Variants in MTRR observed in about 807,000 individuals in gnomAD.
The protein encoded by MTRR is methionine synthase reductase.
MTRR carries 63 observed loss-of-function variants against 79.2 expected under a neutral mutation model. The ratio of observed to expected loss-of-function variants is 0.80; its 90% CI spans 0.65 to 0.98. MTRR has a LOEUF of 0.98. Among genes scored for constraint, MTRR ranks in the 50% least tolerant of loss-of-function variants. The pLI, the probability that MTRR is intolerant of heterozygous loss-of-function variation, is 0.00. For synonymous variants in MTRR, 355 were observed against 313.3 expected (o/e 1.13, Z -1.41); for missense variants, 895 against 839.6 (o/e 1.07, Z -0.82).
chr5:7,885,121 T>G (rs1354762789), intron 6 of MTRR: 1 of 159,376 alleles, frequency 6.3e-6, no homozygotes, highest in Non-Finnish European at 1.4e-5. Context: ...GCAATGGGCC[T>G]AGTAATAGAC....
intron 1 of MTRR, 89 bp downstream of exon 1, chr5:7,869,304 C>A (rs1747433131): frequency 6.6e-7 from 1 of 1,519,716 alleles, no homozygotes; most frequent in East Asian, 2.3e-5. Context: ...CGGGGGTGGG[C>A]AGCCGGCTTG....
At chr5:7,868,652 A>C (rs906764731), upstream of MTRR, among the ~76,000 whole-genome samples, 1 of 152,202 alleles carries the variant, frequency 6.6e-6, no homozygotes, top group Non-Finnish European at 1.5e-5. Flanking sequence ...GTGTTGAAGG[A>C]AAGGGTCTAC....
chr5:7,877,749 C>T (rs919718871), intron 4 of MTRR, among the ~76,000 whole-genome samples, 195 bp from the exon 5 acceptor site: 5 of 152,020 alleles, frequency 3.3e-5, no homozygotes, highest in Non-Finnish European at 5.9e-5. Context: ...TTTTCAGCTA[C>T]GGTGCTAATG....
chr5:7,891,289 A>ATTTTTTTT (rs71591748), intron 9 of MTRR, 83 bp from the exon 10 acceptor site: 3 of 365,284 alleles, frequency 8.2e-6, no homozygotes, highest in South Asian at 3.4e-5. Flanking sequence ...AAGACATGGA[A>ATTTTTTTT]TTTTTTTTTT....
upstream of MTRR, among the ~76,000 whole-genome samples, chr5:7,864,403 G>C (rs148686283): frequency 1.3e-5 from 2 of 151,924 alleles, no homozygotes; most frequent in Non-Finnish European, 2.9e-5. Flanking sequence ...TCTTGAGATA[G>C]GAACCTCGGA....
chr5:7,897,321 G>A (rs879018464), intron 14 of MTRR, 74 bp downstream of exon 14: 5 of 1,458,748 alleles, frequency 3.4e-6, no homozygotes, highest in African/African-American at 1.4e-5. Context: ...AAAGGACCGA[G>A]AAGCCAATAA....
intron 2 of MTRR, among the ~76,000 whole-genome samples, chr5:7,871,532 G>A (rs969376529): frequency 1.3e-5 from 2 of 152,176 alleles, no homozygotes; most frequent in African/African-American, 4.8e-5. Flanking sequence ...CAATTCAGGC[G>A]ATAACAGTTG....
At chr5:7,892,029 T>TA (rs1737692120) in intron 10 of MTRR, among the ~76,000 whole-genome samples, 1 of 151,992 alleles carries the variant, frequency 6.6e-6, no homozygotes, top group African/African-American at 2.4e-5. Context: ...GCGACAGTGA[T>TA]ACCCTGTCTC....
At position 7,875,260 on chromosome 5, in the gene MTRR, C is replaced by G. The variant is rs375323482; in HGVS notation, c.286C>G (p.Leu96Val). The change falls in exon 4 of 15, where the codon CTC becomes GTC. Residue 96 changes from leucine (L) to valine (V), a missense_variant and splice_region_variant. Coordinates refer to ENST00000440940, the MANE Select transcript of MTRR (RefSeq NM_002454.3). ...FAHLRYGLLG[L>V]GDSEYTYFCN... The stretch of plus-strand genomic sequence containing the variant: ...AATTATGTATTTGGGTTCTCTAGGT[C>G]TCGGTGATTCAGAATACACCTACTT... 29 of 1,602,956 alleles carry G rather than the reference C, an allele frequency of 1.8e-5. No individual in the cohort carries two copies. The highest frequency in any genetic ancestry group is 2.4e-5 in the Non-Finnish European group (28 of 1,170,218).
Position 7,895,801 on chromosome 5 carries a change from T to G in MTRR, c.1625T>G (p.Met542Arg), listed in dbSNP as rs1561282066. 3 of 1,614,160 alleles carry G rather than the reference T, an allele frequency of 1.9e-6. No individual in the cohort carries two copies. Among genetic ancestry groups the G allele is most frequent in the Non-Finnish European group, 2.5e-6 (3 of 1,179,976 alleles). The change falls in exon 12 of 15, where the codon ATG becomes AGG. Residue 542 changes from methionine to arginine, a missense_variant. By Grantham distance (91) the Met-to-Arg change is moderately conservative. Coordinates refer to ENST00000440940, the MANE Select transcript of MTRR (RefSeq NM_002454.3). ...GATGACCCCTCAATCCCCATCATAA[T>G]GGTGGGTCCAGGAACCGGCATAGCC... ...LPDDPSIPII[M>R]VGPGTGIAPF...
upstream of MTRR, chr5:7,866,689 A>C: frequency 6.3e-7 from 1 of 1,599,558 alleles, no homozygotes; most frequent in Non-Finnish European, 8.5e-7. Flanking sequence ...TTTTTGCCAG[A>C]AAGTTGACTG....
chr5:7,872,726 A>G (rs1212109672), intron 2 of MTRR, among the ~76,000 whole-genome samples: 1 of 152,212 alleles, frequency 6.6e-6, no homozygotes, highest in Non-Finnish European at 1.5e-5. Flanking sequence ...TCTTTACCAC[A>G]GTATTCTACT....
At chr5:7,892,560 T>G (rs1737782468) in intron 10 of MTRR, among the ~76,000 whole-genome samples, 167 bp from the exon 11 acceptor site, 2 of 152,096 alleles carry the variant, frequency 1.3e-5, no homozygotes, top group Non-Finnish European at 2.9e-5. Context: ...AGTGTGAAGG[T>G]TGGGGGCAGT....
rs752725889 is a variant in MTRR at position 7,900,094 on chromosome 5, G to C, written c.*36G>C. 2.5e-6 allele frequency: 4 copies of C among 1,609,372 alleles called. No homozygotes were observed. The Admixed American group carries it at 5.1e-5, about 20-fold the overall frequency. On this transcript the variant is annotated 3_prime_UTR_variant, in exon 15 of 15. Transcript: ENST00000440940. ...TAAAGAAAGAGGATTAAGCTTTTTT[G>C]ACTGAAAGTACTAAAAGTCAGCTTT... is the stretch of plus-strand genomic sequence containing the variant.
In MTRR at chr5:7,885,863, C is replaced by T. The variant is rs752920631; in HGVS notation, c.1057+9C>T. On this transcript the variant is annotated intron_variant, in intron 7 of 14. Transcript: ENST00000440940. ...AGACACAAAGAAGAAAGGTAACAGC[C>T]CTGATGCTGTGACGTTGGGGTGTTG... is the stretch of plus-strand genomic sequence containing the variant. 8.1e-6 allele frequency: 13 copies of T among 1,614,000 alleles called. No individual in the cohort carries two copies. Among genetic ancestry groups the T allele is most frequent in the Middle Eastern group, 1.6e-4 (1 of 6,062 alleles).
At chr5:7,861,369 T>G in intron 1 of MTRR, 1 of 622,712 alleles carries the variant, frequency 1.6e-6, no homozygotes, top group Non-Finnish European at 2.6e-6. Flanking sequence ...TATTACTATG[T>G]GCCAATATTA....
intron 9 of MTRR, among the ~76,000 whole-genome samples, 154 bp from the exon 10 acceptor site, chr5:7,891,218 A>G (rs191366178): frequency 1.6e-4 from 24 of 151,980 alleles, no homozygotes; most frequent in Non-Finnish European, 4.4e-5. Context: ...TTTTACTTGA[A>G]CACAAAGTTC....
At chr5:7,884,308 C>T (rs1199449629) in intron 6 of MTRR, among the ~76,000 whole-genome samples, 1 of 152,162 alleles carries the variant, frequency 6.6e-6, no homozygotes, top group Non-Finnish European at 1.5e-5. Flanking sequence ...TTAGTATCTT[C>T]GAAGGATTTG....
chr5:7,852,961 G>A (rs1208604151), intron 1 of MTRR, among the ~76,000 whole-genome samples: 2 of 152,314 alleles, frequency 1.3e-5, no homozygotes, highest in Admixed American at 6.5e-5. Flanking sequence ...AATTAGTAAA[G>A]TTTACACAGT....
Sources: gnomAD v4.1 joint callset for allele counts (sites outside exome capture counted in the v4.1 genomes callset) on GRCh38, gnomAD v4.1.1 for gene constraint, MANE v1.5 for transcripts, NCBI Gene and HGNC (gene_info 2026-07-23, HGNC 2026-07-21) for gene names.